STRN: variants seen among roughly 807,000 people sequenced by gnomAD.
STRN encodes striatin.
A neutral mutation model predicts 96.3 loss-of-function variants in STRN; 53 were observed. The observed-to-expected ratio is 0.55, with a 90% CI of 0.44 to 0.69. The LOEUF (loss-of-function observed/expected upper bound fraction) is 0.69. Among genes scored for constraint, STRN ranks in the 30% least tolerant of loss-of-function variants. STRN has a pLI of 0.00. For synonymous variants in STRN, 428 were observed against 355.9 expected (o/e 1.20, Z -2.28); for missense variants, 987 against 963.9 (o/e 1.02, Z -0.32).
At chr2:36,897,162 C>G (rs1486764410) in intron 6 of STRN, among the ~76,000 whole-genome samples, 1 of 150,272 alleles carries the variant, frequency 6.7e-6, no homozygotes, top group South Asian at 2.1e-4. Flanking sequence ...AGTGAAACTC[C>G]GTCTCAAAAA....
rs1667877627 is a variant in STRN at position 36,838,748 on chromosome 2, A to G, written c.*10708T>C. 1.3e-5 allele frequency among the ~76,000 whole-genome samples: 2 copies of G among 152,226 alleles called. No individual in the cohort carries two copies. The highest frequency in any genetic ancestry group is 6.5e-5 in the Admixed American group (1 of 15,282). ...TCTATTCCGCAGACGTAAAACCATC[A>G]TGGTGACAAACATATACACAGGAAT... On this transcript the variant is annotated 3_prime_UTR_variant, in exon 18 of 18. Transcript: ENST00000263918.
intron 10 of STRN, among the ~76,000 whole-genome samples, chr2:36,874,918 G>C (rs921733303): frequency 1.3e-5 from 2 of 151,956 alleles, no homozygotes; most frequent in African/African-American, 4.8e-5. Flanking sequence ...CAGACATGCA[G>C]AAAATAATTT....
chr2:36,942,947 C>T (rs1230634160), intron 1 of STRN, among the ~76,000 whole-genome samples: 1 of 152,128 alleles, frequency 6.6e-6, no homozygotes, highest in Non-Finnish European at 1.5e-5. Flanking sequence ...TTGCCCGCCT[C>T]GGCCTCCCAA....
intron 2 of STRN, among the ~76,000 whole-genome samples, chr2:36,922,638 C>T (rs536000241): frequency 2.8e-4 from 42 of 150,206 alleles, no homozygotes; most frequent in African/African-American, 9.3e-4. Context: ...TACCATTATC[C>T]GTCATCAACT....
At chr2:36,850,087 G>C (rs1208832158) in intron 16 of STRN, among the ~76,000 whole-genome samples, 1 of 152,146 alleles carries the variant, frequency 6.6e-6, no homozygotes, top group Non-Finnish European at 1.5e-5. Flanking sequence ...TTGTTAATTA[G>C]AACTTAGACA....
At chr2:36,898,350 G>A (rs78296514) in intron 6 of STRN, among the ~76,000 whole-genome samples, 4,572 of 152,188 alleles carry the variant, frequency 0.03, 109 homozygotes, top group East Asian at 0.13. Context: ...TAAGACACAG[G>A]CTATTACTAC....
At chr2:36,894,178 T>TA in intron 6 of STRN, 145 bp from the exon 7 acceptor site, 2 of 922,432 alleles carry the variant, frequency 2.2e-6, no homozygotes, top group Non-Finnish European at 3.0e-6. Context: ...CACATAGTTT[T>TA]AAAAAATATG....
chr2:36,909,104 C>T (rs551820288), intron 3 of STRN, among the ~76,000 whole-genome samples: 3 of 147,960 alleles, frequency 2.0e-5, no homozygotes, highest in South Asian at 4.3e-4. Context: ...TGCAGTGAAT[C>T]GAGATTGCAC....
rs1051013615 is a variant in STRN at position 36,839,254 on chromosome 2, C to T, written c.*10202G>A. Among the ~76,000 whole-genome samples, 29 of 152,186 alleles carry T rather than the reference C, an allele frequency of 1.9e-4. No individual in the cohort carries two copies. Among genetic ancestry groups the T allele is most frequent in the African/African-American group, 6.0e-4 (25 of 41,502 alleles). On this transcript the variant is annotated 3_prime_UTR_variant, in exon 18 of 18. Transcript: ENST00000263918. ...CCCTGCTCTATTTTTTTTCCCTCTG[C>T]ACTTATCACTAATATTCCCTATATT...
intron 3 of STRN, among the ~76,000 whole-genome samples, chr2:36,907,463 G>C (rs573578919): frequency 6.6e-6 from 1 of 151,888 alleles, no homozygotes; most frequent in Non-Finnish European, 1.5e-5. Flanking sequence ...CAGAAGAATC[G>C]CTTGAACCTG....
chr2:36,939,573 G>A (rs1670793529), intron 1 of STRN, among the ~76,000 whole-genome samples: 1 of 151,712 alleles, frequency 6.6e-6, no homozygotes, highest in African/African-American at 2.4e-5. Context: ...TGCAGTGACA[G>A]GGTCTCAGTA....
At chr2:36,884,126 TA>T in intron 8 of STRN, 51 bp from the exon 9 acceptor site, 1 of 1,295,512 alleles carries the variant, frequency 7.7e-7, no homozygotes. Context: ...AAAAGAGAAT[TA>T]TCCAATTGCA....
rs566042948 is a variant in STRN, at chr2:36,966,506, C to T, written c.-43G>A. 1.5e-6 allele frequency: 2 copies of T among 1,323,184 alleles called. No individual in the cohort carries two copies. The highest frequency in any genetic ancestry group is 2.0e-6 in the Non-Finnish European group (2 of 1,018,178). The allele number at this position is 1,323,184 out of a possible 1,614,324, so 82.0% of individuals were successfully genotyped here. On this transcript the variant is annotated 5_prime_UTR_variant, in exon 1 of 18. Coordinates refer to ENST00000263918, the MANE Select transcript of STRN (RefSeq NM_003162.4). ...GGGGAGCTGCCCCGGCGCCCAGCAG[C>T]GGAGGCAACAGCGGCGGCAAGCAGC... is the stretch of plus-strand genomic sequence containing the variant.
chr2:36,964,126 A>G (rs921740760), intron 1 of STRN, among the ~76,000 whole-genome samples: 1 of 145,650 alleles, frequency 6.9e-6, no homozygotes, highest in Non-Finnish European at 1.5e-5. Flanking sequence ...CTGAAGATCA[A>G]CTACAGTTAC....
chr2:36,933,876 G>A (rs1235379376), intron 1 of STRN, among the ~76,000 whole-genome samples: 3 of 152,136 alleles, frequency 2.0e-5, no homozygotes, highest in East Asian at 1.9e-4. Flanking sequence ...TTGGGAGGCC[G>A]AGGCAGGTGG....
chr2:36,909,622 G>A (rs1176848516), intron 3 of STRN, among the ~76,000 whole-genome samples: 1 of 152,036 alleles, frequency 6.6e-6, no homozygotes, highest in East Asian at 1.9e-4. Flanking sequence ...AGTATTTGAA[G>A]AAATAATGGC....
chr2:36,882,124 A>G (rs928062077), intron 9 of STRN, among the ~76,000 whole-genome samples: 4 of 152,178 alleles, frequency 2.6e-5, no homozygotes, highest in South Asian at 2.1e-4. Context: ...AAGTATTCCA[A>G]TCGTGAAAAT....
chr2:36,864,859 C>G (rs527935534), intron 12 of STRN, among the ~76,000 whole-genome samples: 1 of 152,100 alleles, frequency 6.6e-6, no homozygotes. Context: ...ATTACAGGCA[C>G]CTGCCACCAC....
At chr2:36,916,869 GA>G (rs1670112932) in intron 2 of STRN, among the ~76,000 whole-genome samples, 1 of 151,880 alleles carries the variant, frequency 6.6e-6, no homozygotes, top group Admixed American at 6.6e-5. Flanking sequence ...CATGAGACTA[GA>G]AAAATAACCC....
Sources: gnomAD v4.1 joint callset for allele counts (sites outside exome capture counted in the v4.1 genomes callset) on GRCh38, gnomAD v4.1.1 for gene constraint, MANE v1.5 for transcripts, NCBI Gene and HGNC (gene_info 2026-07-23, HGNC 2026-07-21) for gene names.